The following RELN variants were observed in gnomAD, a reference collection of about 807,000 sequenced individuals.
RELN encodes reelin.
A neutral mutation model predicts 427.6 loss-of-function variants in RELN; 108 were observed. The ratio of observed to expected loss-of-function variants is 0.25; its 90% CI spans 0.22 to 0.30. The LOEUF is 0.30. Ranked by LOEUF, RELN falls within the 10% of genes least tolerant of loss-of-function variation. The pLI is 1.00. For synonymous variants in RELN, 1,524 were observed against 1,513.4 expected (o/e 1.01, Z -0.16); for missense variants, 3,715 against 4,302.8 (o/e 0.86, Z 3.82).
intron 40 of RELN, among the ~76,000 whole-genome samples, 154 bp downstream of exon 40, chr7:103,553,307 T>C (rs1488990857): frequency 6.6e-6 from 1 of 152,200 alleles, no homozygotes; most frequent in African/African-American, 2.4e-5. Flanking sequence ...ATTGGCTCTG[T>C]TAATAAGAGA....
chr7:103,515,558 G>A (rs1249174874), intron 49 of RELN, 117 bp from the exon 50 acceptor site: 4 of 1,316,670 alleles, frequency 3.0e-6, no homozygotes, highest in African/African-American at 1.5e-5. Flanking sequence ...GTGAGGGAAG[G>A]ACATAAGCTA....
intron 20 of RELN, among the ~76,000 whole-genome samples, chr7:103,615,005 CAT>C (rs1321033436): frequency 7.9e-5 from 12 of 152,088 alleles, no homozygotes; most frequent in Admixed American, 5.9e-4. Context: ...TAAATCAAGA[CAT>C]ATTTATAAAG....
rs1831711415 is a variant in RELN, at chr7:103,603,022, G to A, written c.3333+282C>T. 6.6e-6 allele frequency among the ~76,000 whole-genome samples: 1 copy of A among 152,080 alleles called. No homozygotes were observed. Among genetic ancestry groups the A allele is most frequent in the Admixed American group, 6.6e-5 (1 of 15,254 alleles). ...CAAACTTCCTCAATACACAAGCCTGGCTGGAAATGAAGGAAAGGAAAGTAA... is the reference window on the plus strand; with the variant it reads ...CAAACTTCCTCAATACACAAGCCTGACTGGAAATGAAGGAAAGGAAAGTAA... On this transcript the variant is annotated intron_variant, in intron 24 of 64. Transcript: ENST00000428762. This position sits in a 1 kb window ranked among gnomAD's most constrained non-coding sequence, Gnocchi z 4.3.
At chr7:103,478,035 T>C (rs1455632266) in intron 64 of RELN, among the ~76,000 whole-genome samples, 3 of 152,190 alleles carry the variant, frequency 2.0e-5, no homozygotes, top group Non-Finnish European at 2.9e-5. Flanking sequence ...TTGTCCCTCA[T>C]AACAAATTTA....
intron 6 of RELN, among the ~76,000 whole-genome samples, chr7:103,738,049 T>G (rs1293946434): frequency 1.3e-5 from 2 of 150,908 alleles, no homozygotes; most frequent in Non-Finnish European, 2.9e-5. Context: ...CTCTGCTGAG[T>G]AGGACATCTC....
intron 2 of RELN, among the ~76,000 whole-genome samples, chr7:103,864,011 C>G (rs1794134430): frequency 6.6e-6 from 1 of 151,996 alleles, no homozygotes; most frequent in Admixed American, 6.6e-5. Flanking sequence ...ACTACTGGAG[C>G]CATGTGAGAA....
intron 1 of RELN, among the ~76,000 whole-genome samples, chr7:103,983,868 TGTG>T: frequency 3.6e-5 from 1 of 27,490 alleles, no homozygotes; most frequent in East Asian, 0.022. Flanking sequence ...TATTTCTGTG[TGTG>T]TGTGTGTGTG....
At chr7:103,547,607 A>G (rs1455727741) in intron 41 of RELN, among the ~76,000 whole-genome samples, 1 of 152,146 alleles carries the variant, frequency 6.6e-6, no homozygotes, top group Admixed American at 6.6e-5. Context: ...CCAAACTCCA[A>G]CTATATCAAG....
At chr7:103,682,356 T>C in intron 10 of RELN, 95 bp from the exon 11 acceptor site, 4 of 1,278,226 alleles carry the variant, frequency 3.1e-6, no homozygotes, top group South Asian at 1.2e-5. Flanking sequence ...AGAAAAGTTA[T>C]TATATTAGCT....
intron 5 of RELN, among the ~76,000 whole-genome samples, chr7:103,750,605 T>C (rs930735657): frequency 2.0e-5 from 3 of 152,210 alleles, no homozygotes; most frequent in Non-Finnish European, 2.9e-5. Flanking sequence ...TTCTGGCTAT[T>C]TATTCTCAGC....
chr7:103,540,412 G>C lies in RELN; in HGVS notation c.6715C>G (p.Pro2239Ala). 6.2e-7 allele frequency: 1 copy of C among 1,614,044 alleles called. No homozygotes were observed. The highest frequency in any genetic ancestry group is 8.5e-7 in the Non-Finnish European group (1 of 1,179,972). ...FMRLGCGKGV[P>A]DPRSQPVLLQ... ...AGCACGGGTTGACTCCTGGGGTCAG[G>C]AACGCCTTTACCACATCCCAGTCTC... is the stretch of plus-strand genomic sequence containing the variant. Residue 2239 changes from proline to alanine, a missense_variant, in exon 44 of 65, where the codon CCT becomes GCT. Transcript: ENST00000428762.
chr7:103,628,090 T>C (rs1281358975), intron 20 of RELN: 1 of 152,228 alleles, frequency 6.6e-6, no homozygotes, highest in African/African-American at 2.4e-5. Flanking sequence ...TTGAAGGATA[T>C]AGTTTACGGT....
In RELN at chr7:103,573,322, G is replaced by C. The variant is rs1408233481; in HGVS notation, c.4511+770C>G. Among the ~76,000 whole-genome samples the C allele has an allele frequency of 6.6e-6, 1 of 152,174 alleles. No homozygotes were observed. The highest frequency in any genetic ancestry group is 6.5e-5 in the Admixed American group (1 of 15,280). On this transcript the variant is annotated intron_variant, in intron 30 of 64. Coordinates refer to ENST00000428762, the MANE Select transcript of RELN (RefSeq NM_005045.4). This position sits in a 1 kb window ranked among gnomAD's most constrained non-coding sequence, Gnocchi z 4.4. ...TAATTACCTGTCAGTTGCTGATTTAGACTCACTTGGCTAAATTTTTCACAG... is the reference window on the plus strand; with the variant it reads ...TAATTACCTGTCAGTTGCTGATTTACACTCACTTGGCTAAATTTTTCACAG...
intron 2 of RELN, among the ~76,000 whole-genome samples, chr7:103,865,293 C>G (rs1794172340): frequency 6.6e-6 from 1 of 151,902 alleles, no homozygotes. Flanking sequence ...ATCACAGGAC[C>G]AGATGGATTC....
intron 4 of RELN, among the ~76,000 whole-genome samples, chr7:103,755,925 C>G (rs652383): frequency 0.15 from 23,443 of 151,526 alleles, 2,099 homozygotes; most frequent in Middle Eastern, 0.31. Flanking sequence ...AAAAGAAAAA[C>G]CCTGTCTACA....
intron 1 of RELN, among the ~76,000 whole-genome samples, chr7:103,980,485 T>C (rs1796968459): frequency 6.6e-6 from 1 of 152,196 alleles, no homozygotes; most frequent in Admixed American, 6.5e-5. Flanking sequence ...TTTTTGAGAT[T>C]AGTTTTATTA....
At chr7:103,914,340 C>A (rs983307346) in intron 2 of RELN, among the ~76,000 whole-genome samples, 2 of 151,920 alleles carry the variant, frequency 1.3e-5, no homozygotes, top group Non-Finnish European at 2.9e-5. Flanking sequence ...GACAAACTGA[C>A]AAACCATCAA....
At chr7:103,921,429 C>T (rs1440676246) in intron 1 of RELN, among the ~76,000 whole-genome samples, 2 of 152,110 alleles carry the variant, frequency 1.3e-5, no homozygotes, top group African/African-American at 2.4e-5. Context: ...GACTTCTTCC[C>T]TCTTGGAGTC....
chr7:103,970,831 C>T (rs1230269927), intron 1 of RELN, among the ~76,000 whole-genome samples: 1 of 152,160 alleles, frequency 6.6e-6, no homozygotes, highest in African/African-American at 2.4e-5. Context: ...AGTATTACTA[C>T]TACAGATAAT....
Sources: gnomAD v4.1 joint callset for allele counts (sites outside exome capture counted in the v4.1 genomes callset) on GRCh38, gnomAD v4.1.1 for gene constraint, Gnocchi (gnomAD v3.1) non-coding constraint, MANE v1.5 for transcripts, NCBI Gene and HGNC (gene_info 2026-07-23, HGNC 2026-07-21) for gene names.